DNAH6: variants seen among roughly 807,000 people sequenced by gnomAD.
DNAH6 encodes the protein axonemal beta dynein heavy chain 6.
DNAH6 carries 340 observed loss-of-function variants against 491.4 expected under a neutral mutation model. The observed-to-expected ratio is 0.69, with a 90% CI of 0.63 to 0.76. The LOEUF (loss-of-function observed/expected upper bound fraction) is 0.76, where lower values mean the gene tolerates loss of function less well. Ranked by LOEUF, DNAH6 falls within the 30% of genes least tolerant of loss-of-function variation. The pLI is 0.00. For synonymous variants in DNAH6, 1,603 were observed against 1,686.1 expected (o/e 0.95, Z 1.21); for missense variants, 4,443 against 4,972.2 (o/e 0.89, Z 3.20).
chr2:84,552,779 C>T, intron 9 of DNAH6, 139 bp from the exon 10 acceptor site: 2 of 453,226 alleles, frequency 4.4e-6, no homozygotes, highest in South Asian at 5.4e-5. Context: ...CTTTATTATT[C>T]TCTGAAACAC....
At chr2:84,638,501 C>T (rs1229745506) in intron 31 of DNAH6, among the ~76,000 whole-genome samples, 1 of 151,762 alleles carries the variant, frequency 6.6e-6, no homozygotes, top group African/African-American at 2.4e-5. Flanking sequence ...CATTTCATAA[C>T]AAGGGACACT....
chr2:84,460,381 A>G, the DNAH6 span, among the ~76,000 whole-genome samples: 5 of 152,242 alleles, frequency 3.3e-5, 1 homozygote, highest in African/African-American at 1.2e-4. Context: ...TGGTTTCCAG[A>G]TATATCCATT....
chr2:84,656,904 A>T (rs1480595327), intron 35 of DNAH6, among the ~76,000 whole-genome samples: 1 of 152,034 alleles, frequency 6.6e-6, no homozygotes, highest in Non-Finnish European at 1.5e-5. Flanking sequence ...ATACCTAAAA[A>T]GTCATCACCA....
Position 84,588,833 on chromosome 2 carries a change from A to G in DNAH6, c.2489A>G (p.Gln830Arg), listed in dbSNP as rs1480717018. 7 of 1,538,034 alleles carry G rather than the reference A, an allele frequency of 4.6e-6. No individual in the cohort carries two copies. The highest frequency in any genetic ancestry group is 5.3e-6 in the Non-Finnish European group (6 of 1,142,014). Residue 830 changes from glutamine (Q) to arginine (R), a missense_variant, in exon 16 of 77, where the codon CAG becomes CGG. This residue lies in a region of DNAH6 where 2,977 missense variants were observed against 3,296.6 expected (regional missense o/e 0.90). Transcript: ENST00000389394. ...NEVKLQAQDP[Q>R]ILDISADQDK... The stretch of plus-strand genomic sequence containing the variant: ...ACTGTCTTAAATTTATAGGATCCAC[A>G]GATTTTAGATATCTCTGCTGACCAA...
the DNAH6 span, among the ~76,000 whole-genome samples, chr2:84,479,108 C>T: frequency 5.3e-5 from 8 of 152,344 alleles, no homozygotes; most frequent in Non-Finnish European, 8.8e-5. Flanking sequence ...CTGCTTCTCT[C>T]TGATGTCCAA....
In DNAH6 at chr2:84,604,571, T is replaced by A; in HGVS notation, c.3081+20T>A. The A allele has an allele frequency of 6.6e-7, 1 of 1,513,304 alleles. No individual in the cohort carries two copies. The highest frequency in any genetic ancestry group is 9.0e-7 in the Non-Finnish European group (1 of 1,113,622). The allele number at this position is 1,513,304 out of a possible 1,614,324, so 93.7% of individuals were successfully genotyped here. A position where few individuals can be genotyped will look rare whatever the true frequency, so the allele number is the denominator to read the frequency against. On this transcript the variant is annotated intron_variant, in intron 19 of 76. Coordinates refer to ENST00000389394, the MANE Select transcript of DNAH6 (RefSeq NM_001370.2). ...AAAAAGGTAAATCTGGAATATATAT[T>A]TATCTATATACCATTAGGGAATGTG...
intron 63 of DNAH6, among the ~76,000 whole-genome samples, chr2:84,754,591 A>G (rs531482582): frequency 6.6e-6 from 1 of 152,318 alleles, no homozygotes; most frequent in African/African-American, 2.4e-5. Context: ...TCAGTTGACT[A>G]CAATTGTGAG....
At chr2:84,486,053 A>G in the DNAH6 span, among the ~76,000 whole-genome samples, 654 of 152,306 alleles carry the variant, frequency 4.3e-3, 1 homozygote, top group Middle Eastern at 0.02. Context: ...AAAAGGAGTT[A>G]AAACTGTGAT....
intron 61 of DNAH6, among the ~76,000 whole-genome samples, chr2:84,732,176 G>A (rs1182843295): frequency 6.6e-6 from 1 of 152,170 alleles, no homozygotes; most frequent in African/African-American, 2.4e-5. Flanking sequence ...GGGAAAGGGT[G>A]CATGCTCAGA....
the DNAH6 span, among the ~76,000 whole-genome samples, chr2:84,471,685 A>C: frequency 1.3e-5 from 2 of 152,140 alleles, no homozygotes; most frequent in Non-Finnish European, 2.9e-5. Flanking sequence ...ATGGTCGTAC[A>C]CATCTTGAGG....
At chr2:84,658,167 T>C (rs1019004007) in intron 35 of DNAH6, 125 bp from the exon 36 acceptor site, 1 of 563,540 alleles carries the variant, frequency 1.8e-6, no homozygotes, top group South Asian at 4.1e-5. Flanking sequence ...TATGTTGTGA[T>C]AGTTATAGCC....
At chr2:84,667,028 A>G (rs1241271500) in intron 37 of DNAH6, among the ~76,000 whole-genome samples, 3 of 152,236 alleles carry the variant, frequency 2.0e-5, no homozygotes, top group Admixed American at 6.5e-5. Context: ...TGGTGCTGGG[A>G]AAACTGGCTA....
chr2:84,482,006 TG>T, the DNAH6 span, among the ~76,000 whole-genome samples: 1 of 152,188 alleles, frequency 6.6e-6, no homozygotes, highest in African/African-American at 2.4e-5. Context: ...TGATGCTAGA[TG>T]GGTCCACCCT....
At chr2:84,675,005 G>A (rs1693095373) in intron 40 of DNAH6, among the ~76,000 whole-genome samples, 1 of 152,194 alleles carries the variant, frequency 6.6e-6, no homozygotes. Context: ...GCATGCCTTT[G>A]TGATGGTGTC....
chr2:84,788,640 G>A (rs949036235), intron 68 of DNAH6, among the ~76,000 whole-genome samples: 2 of 152,216 alleles, frequency 1.3e-5, no homozygotes, highest in African/African-American at 2.4e-5. Context: ...TGGCAGTGGT[G>A]ACCATAGCTT....
intron 9 of DNAH6, 92 bp from the exon 10 acceptor site, chr2:84,552,826 A>G (rs1679532423): frequency 1.7e-6 from 1 of 599,886 alleles, no homozygotes; most frequent in Non-Finnish European, 2.8e-6. Context: ...AGCTAATTAT[A>G]TAAACTTCAG....
chr2:84,692,426 T>C (rs1170191313), intron 45 of DNAH6, among the ~76,000 whole-genome samples: 2 of 7,562 alleles, frequency 2.6e-4, no homozygotes, highest in East Asian at 4.0e-3. Context: ...GGTAGATAGA[T>C]AGATAGATAG....
chr2:84,710,132 T>A (rs923482372), intron 55 of DNAH6, among the ~76,000 whole-genome samples, 155 bp from the exon 56 acceptor site: 2 of 152,226 alleles, frequency 1.3e-5, no homozygotes, highest in Non-Finnish European at 2.9e-5. Context: ...GCTTAAAAGA[T>A]GTCTTTATTG....
chr2:84,759,365 C>G (rs1219987419), intron 63 of DNAH6, among the ~76,000 whole-genome samples: 2 of 151,880 alleles, frequency 1.3e-5, no homozygotes, highest in Non-Finnish European at 2.9e-5. Flanking sequence ...AAAAATTAGC[C>G]AGATGTGGTG....
Sources: gnomAD v4.1 joint callset for allele counts (sites outside exome capture counted in the v4.1 genomes callset) on GRCh38, gnomAD v4.1.1 for gene constraint, gnomAD v4.1.1 regional missense constraint, MANE v1.5 for transcripts, NCBI Gene and HGNC (gene_info 2026-07-23, HGNC 2026-07-21) for gene names.